Variants in INVS observed in about 807,000 individuals in gnomAD.
INVS encodes inversin.
Under a neutral mutation model 108.8 loss-of-function variants are expected in INVS, and 86 were observed. The observed-to-expected ratio is 0.79, with a 90% CI of 0.66 to 0.95. INVS has a LOEUF of 0.95. Among genes scored for constraint, INVS ranks in the 40% least tolerant of loss-of-function variants. The probability of loss-of-function intolerance (pLI) is 0.00; values close to 1 mark genes in which losing one functional copy is unlikely to be tolerated. For synonymous variants in INVS, 455 were observed against 473.5 expected, an observed-to-expected ratio of 0.96 and a Z score of 0.51; for missense variants, 1,169 against 1,297.4, an observed-to-expected ratio of 0.90 and a Z score of 1.52.
At chr9:100,180,306 A>T (rs1158444913) in intron 3 of INVS, among the ~76,000 whole-genome samples, 1 of 151,172 alleles carries the variant, frequency 6.6e-6, no homozygotes, top group South Asian at 2.1e-4. Flanking sequence ...AGATAGAGAC[A>T]CGAAAAACCC....
intron 3 of INVS, among the ~76,000 whole-genome samples, chr9:100,138,249 T>C (rs1828297162): frequency 1.3e-5 from 2 of 151,830 alleles, no homozygotes; most frequent in South Asian, 4.1e-4. Context: ...CTACTAAAAA[T>C]ACAAAAATTA....
chr9:100,267,549 C>T (rs1307190199), intron 11 of INVS, among the ~76,000 whole-genome samples: 2 of 152,238 alleles, frequency 1.3e-5, no homozygotes, highest in Non-Finnish European at 2.9e-5. Flanking sequence ...CTAATTTTTA[C>T]TTCTCATACA....
rs115640267 is a variant in INVS at position 100,104,623 on chromosome 9, C to T, written c.102C>T (p.Ile34=). 1,605 of 1,607,312 alleles carry T rather than the reference C, an allele frequency of 1.0e-3. 13 individuals are homozygous for T. The African/African-American group carries it at 0.018, about 18-fold the overall frequency. The change falls in exon 2 of 17, where the codon ATC becomes ATT. Residue 34 remains isoleucine (I), a synonymous_variant. Coordinates refer to ENST00000262457, the MANE Select transcript of INVS (RefSeq NM_014425.5). ...NGDKGALQRL[I]VGNSALKDKE... ...ATAAGGGTGCTCTACAGAGGCTCAT[C>T]GTAGGTAAGCAGTCCCCTTAAGTAC...
At chr9:100,180,376 C>T (rs1200992810) in intron 3 of INVS, among the ~76,000 whole-genome samples, 3 of 150,748 alleles carry the variant, frequency 2.0e-5, no homozygotes, top group Non-Finnish European at 3.0e-5. Flanking sequence ...ACAGGTAGAC[C>T]ACCACCCAGA....
chr9:100,119,474 G>A (rs1230226124), intron 2 of INVS, among the ~76,000 whole-genome samples: 1 of 152,208 alleles, frequency 6.6e-6, no homozygotes, highest in Non-Finnish European at 1.5e-5. Flanking sequence ...GCTTTTGCTC[G>A]TGGTGTCACA....
intron 5 of INVS, 82 bp from the exon 6 acceptor site, chr9:100,239,978 A>G: frequency 7.6e-7 from 1 of 1,323,862 alleles, no homozygotes; most frequent in East Asian, 2.3e-5. Context: ...CTAAAAAAGA[A>G]AGAAAGAAAA....
At chr9:100,167,141 G>T (rs80090822) in intron 3 of INVS, among the ~76,000 whole-genome samples, 195 of 151,890 alleles carry the variant, frequency 1.3e-3, no homozygotes, top group Non-Finnish European at 2.1e-3. Flanking sequence ...TGGGGTACAA[G>T]AATCACTTGA....
intron 2 of INVS, among the ~76,000 whole-genome samples, chr9:100,111,214 A>G (rs1247129148): frequency 6.6e-6 from 1 of 152,262 alleles, no homozygotes; most frequent in African/African-American, 2.4e-5. Context: ...ACAAGCAAAT[A>G]AGATACAAAT....
intron 3 of INVS, among the ~76,000 whole-genome samples, chr9:100,127,892 G>A (rs1827936279): frequency 6.6e-6 from 1 of 151,968 alleles, no homozygotes; most frequent in Admixed American, 6.6e-5. Context: ...TTATTCACTC[G>A]AGAAAGGTAA....
At position 100,223,608 on chromosome 9, in the gene INVS, A is replaced by G. The variant is rs186129974; in HGVS notation, c.274-2454A>G. Among the ~76,000 whole-genome samples the G allele has an allele frequency of 2.6e-5, 4 of 152,356 alleles. No homozygotes were observed. The East Asian group carries it at 7.7e-4, about 29-fold the overall frequency. On this transcript the variant is annotated intron_variant, in intron 3 of 16. Coordinates refer to ENST00000262457, the MANE Select transcript of INVS (RefSeq NM_014425.5). ...ACTGAAGAGAAACAAACAAATATAT[A>G]TGTAATTGCAAACTGAGAAAAGTAC...
intron 2 of INVS, chr9:100,120,501 C>T: frequency 5.7e-6 from 1 of 175,500 alleles, no homozygotes; most frequent in Non-Finnish European, 1.3e-5. Context: ...ACTGCAGCCA[C>T]ATTTGAATGG....
At chr9:100,180,155 T>G (rs886210200) in intron 3 of INVS, among the ~76,000 whole-genome samples, 6 of 152,016 alleles carry the variant, frequency 3.9e-5, no homozygotes, top group African/African-American at 1.5e-4. Flanking sequence ...TAGAGGGAAA[T>G]TTATAGCACT....
At position 100,288,394 on chromosome 9, in the gene INVS, C is replaced by T. The variant is rs529208088; in HGVS notation, c.2068+3791C>T. On this transcript the variant is annotated intron_variant, in intron 13 of 16. Coordinates refer to ENST00000262457, the MANE Select transcript of INVS (RefSeq NM_014425.5). Reference sequence around the variant, plus strand: ...CAAGCTTGTGGTACTCTCAATAATGCGATTATCTCAAAAACTTCATGGGTT... The same window carrying T: ...CAAGCTTGTGGTACTCTCAATAATGTGATTATCTCAAAAACTTCATGGGTT... Among the ~76,000 whole-genome samples, 22 of 152,176 alleles carry T rather than the reference C, an allele frequency of 1.4e-4. No homozygotes were observed. In the South Asian group the frequency reaches 3.7e-3, roughly 26 times the overall value.
At chr9:100,235,434 G>T (rs541122134) in intron 5 of INVS, among the ~76,000 whole-genome samples, 11 of 152,028 alleles carry the variant, frequency 7.2e-5, no homozygotes, top group African/African-American at 2.7e-4. Flanking sequence ...TATTTTGTAC[G>T]CTAGTTGATA....
intron 3 of INVS, among the ~76,000 whole-genome samples, chr9:100,201,458 C>A (rs1564156194): frequency 1.3e-5 from 2 of 152,178 alleles, no homozygotes; most frequent in Non-Finnish European, 1.5e-5. Context: ...ACATGATGGA[C>A]AATTGCTTCC....
intron 2 of INVS, among the ~76,000 whole-genome samples, chr9:100,114,107 T>C (rs1827429865): frequency 1.3e-5 from 2 of 152,212 alleles, no homozygotes; most frequent in African/African-American, 4.8e-5. Flanking sequence ...CTAAAATTTA[T>C]TGAGGTATAT....
intron 12 of INVS, 115 bp downstream of exon 12, chr9:100,273,191 G>A: frequency 7.6e-6 from 6 of 787,182 alleles, no homozygotes; most frequent in Admixed American, 7.6e-5. Context: ...CTGAATTACT[G>A]TTGGTCCCTG....
intron 13 of INVS, among the ~76,000 whole-genome samples, chr9:100,291,238 A>G (rs1833604504): frequency 6.6e-6 from 1 of 151,792 alleles, no homozygotes; most frequent in Non-Finnish European, 1.5e-5. Context: ...TAATTTTCGT[A>G]TTTTTAGTAG....
At chr9:100,111,497 G>A (rs907959793) in intron 2 of INVS, among the ~76,000 whole-genome samples, 9 of 152,350 alleles carry the variant, frequency 5.9e-5, no homozygotes, top group African/African-American at 1.9e-4. Flanking sequence ...TGCCAGCCAC[G>A]TTGAGCAAGC....
Sources: allele counts gnomAD v4.1 joint callset (sites outside exome capture counted in the v4.1 genomes callset), GRCh38; gene constraint gnomAD v4.1.1; transcripts MANE v1.5; gene names NCBI Gene and HGNC (gene_info 2026-07-23, HGNC 2026-07-21).